Variants in SUMF1 observed in about 807,000 individuals in gnomAD.
SUMF1 encodes formylglycine-generating enzyme.
In SUMF1, 48 loss-of-function variants were observed where a neutral mutation model predicts 47.6. The ratio of observed to expected loss-of-function variants is 1.01; its 90% CI spans 0.80 to 1.28. SUMF1 has a LOEUF of 1.28. SUMF1 is among the 50% of genes most tolerant of loss of function. The pLI is 0.00. For missense variants in SUMF1, 571 were observed against 485.4 expected, an observed-to-expected ratio of 1.18 and a Z score of -1.66; for synonymous variants, 230 against 192.1, an observed-to-expected ratio of 1.20 and a Z score of -1.63.
chr3:4,358,062 T>C (rs1461296911), downstream of SUMF1, among the ~76,000 whole-genome samples: 1 of 152,184 alleles, frequency 6.6e-6, no homozygotes, highest in Non-Finnish European at 1.5e-5. Flanking sequence ...CATTTTAAGC[T>C]GTAGGTTGAA....
intron 8 of SUMF1, among the ~76,000 whole-genome samples, chr3:4,155,572 A>T (rs1694434629): frequency 6.6e-6 from 1 of 151,360 alleles, no homozygotes; most frequent in Non-Finnish European, 1.5e-5. Context: ...AACTTCCAAG[A>T]TTTAGTGGTG....
At chr3:4,059,010 T>C (rs1695235789) in intron 9 of SUMF1, among the ~76,000 whole-genome samples, 1 of 152,150 alleles carries the variant, frequency 6.6e-6, no homozygotes, top group Non-Finnish European at 1.5e-5. Flanking sequence ...GCCTTTCTTT[T>C]CATTAGAGAG....
chr3:4,244,645 C>T (rs891671944), intron 8 of SUMF1, among the ~76,000 whole-genome samples: 11 of 152,310 alleles, frequency 7.2e-5, no homozygotes, highest in Non-Finnish European at 1.5e-4. Flanking sequence ...TGATGGGCTT[C>T]CCTTTGTGTG....
chr3:4,189,108 G>T (rs1332310420), intron 8 of SUMF1, among the ~76,000 whole-genome samples: 1 of 151,994 alleles, frequency 6.6e-6, no homozygotes, highest in East Asian at 1.9e-4. Context: ...TAATCTAGTT[G>T]CTTGTACATC....
Position 4,467,255 on chromosome 3 carries a change from C to A in SUMF1, c.-10G>T. 1 of 1,605,698 alleles carries A rather than the reference C, an allele frequency of 6.2e-7. No individual in the cohort carries two copies. Among genetic ancestry groups the A allele is most frequent in the Non-Finnish European group, 8.5e-7 (1 of 1,176,690 alleles). On this transcript the variant is annotated 5_prime_UTR_variant, in exon 1 of 9. Transcript: ENST00000272902. ...GTGCGGGCGCAGCCATGTTGTCCCG[C>A]GGGCCATGTGACCCGGTTGGTCACG...
intron 1 of SUMF1, among the ~76,000 whole-genome samples, chr3:4,462,250 T>C (rs1331485890): frequency 6.6e-6 from 1 of 152,174 alleles, no homozygotes; most frequent in African/African-American, 2.4e-5. Flanking sequence ...CACGGAGATG[T>C]AATTAGGGAT....
At chr3:4,424,987 C>A (rs1702023621) in intron 3 of SUMF1, among the ~76,000 whole-genome samples, 1 of 152,172 alleles carries the variant, frequency 6.6e-6, no homozygotes, top group Non-Finnish European at 1.5e-5. Context: ...GACCTCTACC[C>A]ACCAGATGCC....
intron 8 of SUMF1, among the ~76,000 whole-genome samples, chr3:4,225,160 C>T (rs313691): frequency 0.23 from 34,793 of 151,974 alleles, 5,489 homozygotes; most frequent in African/African-American, 0.44. Flanking sequence ...AGAAAAACAT[C>T]TCCACCCACA....
At chr3:4,230,007 T>A (rs1032865458) in intron 8 of SUMF1, among the ~76,000 whole-genome samples, 3 of 151,556 alleles carry the variant, frequency 2.0e-5, no homozygotes, top group Non-Finnish European at 4.4e-5. Flanking sequence ...AGTGAGACCT[T>A]GTCACCAAAA....
chr3:4,242,975 AT>A (rs1696576773), intron 8 of SUMF1, among the ~76,000 whole-genome samples: 1 of 152,094 alleles, frequency 6.6e-6, no homozygotes, highest in Non-Finnish European at 1.5e-5. Flanking sequence ...CTATTCAGAG[AT>A]TCAACTTCTT....
chr3:4,390,507 T>C (rs929061825), intron 7 of SUMF1, among the ~76,000 whole-genome samples: 1 of 152,168 alleles, frequency 6.6e-6, no homozygotes, highest in African/African-American at 2.4e-5. Context: ...CAGGCTTTTG[T>C]TGAGACTTCC....
intron 8 of SUMF1, among the ~76,000 whole-genome samples, chr3:4,288,633 A>T (rs1240462142): frequency 4.6e-5 from 7 of 152,052 alleles, no homozygotes; most frequent in Non-Finnish European, 2.9e-5. Context: ...CCCCATCTCT[A>T]CCAAAAATAC....
intron 3 of SUMF1, among the ~76,000 whole-genome samples, chr3:4,423,868 A>G (rs1701985410): frequency 6.6e-6 from 1 of 151,050 alleles, no homozygotes; most frequent in African/African-American, 2.4e-5. Context: ...CCTCCACCTC[A>G]CTCTCTTGCT....
chr3:4,216,900 T>A (rs1381019280), intron 8 of SUMF1, among the ~76,000 whole-genome samples: 1 of 152,188 alleles, frequency 6.6e-6, no homozygotes, highest in Non-Finnish European at 1.5e-5. Flanking sequence ...ATAGGAATGC[T>A]GTTACACTGT....
At chr3:4,137,599 T>C (rs538818690) in intron 8 of SUMF1, among the ~76,000 whole-genome samples, 1 of 152,240 alleles carries the variant, frequency 6.6e-6, no homozygotes, top group Admixed American at 6.5e-5. Flanking sequence ...TGTGCACATG[T>C]ACCCTAGAAC....
intron 8 of SUMF1, among the ~76,000 whole-genome samples, chr3:4,373,949 A>G (rs793399): frequency 0.7 from 106,640 of 152,026 alleles, 38,251 homozygotes; most frequent in East Asian, 0.79. Context: ...TATCATCTCA[A>G]TAGATGCAGA....
At position 4,244,632 on chromosome 3, in the gene SUMF1, G is replaced by A. The variant is rs149720600; in HGVS notation, c.1014+131698C>T. Among the ~76,000 whole-genome samples the A allele has an allele frequency of 3.0e-4, 45 of 152,266 alleles. 1 individual carries two copies. The highest frequency in any genetic ancestry group is 9.6e-4 in the African/African-American group (40 of 41,548). On this transcript the variant is annotated intron_variant and NMD_transcript_variant, in intron 8 of 12. Transcript: ENST00000448413. ...GTTTCTGCAGAGAGATTTGCTGTTC[G>A]TCTGATGGGCTTCCCTTTGTGTGTA... is the stretch of plus-strand genomic sequence containing the variant.
intron 8 of SUMF1, among the ~76,000 whole-genome samples, chr3:4,187,246 G>T (rs1179843728): frequency 6.6e-6 from 1 of 152,048 alleles, no homozygotes; most frequent in Non-Finnish European, 1.5e-5. Flanking sequence ...TCAGGTACCT[G>T]CAGTCCCAGC....
At chr3:4,306,858 A>G (rs1189286575) in intron 8 of SUMF1, among the ~76,000 whole-genome samples, 2 of 152,254 alleles carry the variant, frequency 1.3e-5, no homozygotes, top group Non-Finnish European at 2.9e-5. Flanking sequence ...TCAAATGTTC[A>G]TATTGGAAAC....
Sources: gnomAD v4.1 joint callset for allele counts (sites outside exome capture counted in the v4.1 genomes callset) on GRCh38, gnomAD v4.1.1 for gene constraint, MANE v1.5 for transcripts, NCBI Gene and HGNC (gene_info 2026-07-23, HGNC 2026-07-21) for gene names.